Variants in NUP214 observed in about 807,000 individuals in gnomAD.
NUP214 encodes nucleoporin 214, also known as nuclear pore complex protein Nup214.
In NUP214, 79 loss-of-function variants were observed where a neutral mutation model predicts 196.2. The observed-to-expected ratio is 0.40, with a 90% confidence interval of 0.34 to 0.49. NUP214 has a LOEUF of 0.49. Ranked by LOEUF, NUP214 falls within the 20% of genes least tolerant of loss-of-function variation. NUP214 has a pLI of 0.58. For missense variants in NUP214, 2,468 were observed against 2,539.0 expected, an observed-to-expected ratio of 0.97 and a Z score of 0.60; for synonymous variants, 1,020 against 990.5, an observed-to-expected ratio of 1.03 and a Z score of -0.56.
Position 131,215,383 on chromosome 9 carries a change from C to T in NUP214, c.5749+15C>T, listed in dbSNP as rs751239299. On this transcript the variant is annotated intron_variant, in intron 31 of 35. Coordinates refer to ENST00000359428, the MANE Select transcript of NUP214 (RefSeq NM_005085.4). Reference sequence around the variant, plus strand: ...AGCTACCTCAAGTAAGTTGAGAAGACTTTTCCCAGTCCCTTGGTCCCCTAA... The same window carrying T: ...AGCTACCTCAAGTAAGTTGAGAAGATTTTTCCCAGTCCCTTGGTCCCCTAA... 6.4e-7 allele frequency: 1 copy of T among 1,570,540 alleles called. No individual in the cohort carries two copies. Among genetic ancestry groups the T allele is most frequent in the Admixed American group, 1.9e-5 (1 of 53,648 alleles).
Position 131,144,556 on chromosome 9 carries a change from C to G in NUP214, c.1571C>G (p.Pro524Arg). The G allele has an allele frequency of 6.2e-7, 1 of 1,614,090 alleles. No homozygotes were observed. Among genetic ancestry groups the G allele is most frequent in the South Asian group, 1.1e-5 (1 of 91,078 alleles). ...GPGPSTFSFV[P>R]PSKASLAPTP... ...GGCCCATCAACCTTCTCTTTTGTTC[C>G]CCCTTCTAAAGCCTCCCTAGCCCCC... Residue 524 changes from proline (P) to arginine (R), a missense_variant, in exon 12 of 36, where the codon CCC becomes CGC. Around this residue, in one of 5 missense-constraint regions of NUP214, gnomAD observed 1,801 missense variants for 1,779.4 expected, o/e 1.01. Transcript: ENST00000359428.
chr9:131,141,975 G>A (rs969111534), intron 11 of NUP214, among the ~76,000 whole-genome samples: 2 of 152,098 alleles, frequency 1.3e-5, no homozygotes, highest in African/African-American at 4.8e-5. Context: ...TTCTCTTCCT[G>A]CATCCCAGTG....
chr9:131,159,100 G>A (rs1383373816), intron 17 of NUP214: 1 of 360,626 alleles, frequency 2.8e-6, no homozygotes. Flanking sequence ...CATTATTAGA[G>A]ACAGAGTCTT....
chr9:131,217,556 C>T (rs1288209173), intron 31 of NUP214, among the ~76,000 whole-genome samples: 1 of 152,156 alleles, frequency 6.6e-6, no homozygotes, highest in Non-Finnish European at 1.5e-5. Context: ...CTTCATTTTC[C>T]ATTGAGGAAA....
intron 21 of NUP214, among the ~76,000 whole-genome samples, chr9:131,169,852 TC>T (rs1832904509): frequency 1.3e-5 from 2 of 152,252 alleles, no homozygotes; most frequent in Non-Finnish European, 2.9e-5. Flanking sequence ...GTTGTAGTTT[TC>T]TGACTCCTGC....
chr9:131,198,232 G>C lies in NUP214; in HGVS notation c.4738G>C (p.Glu1580Gln). 1 of 1,614,202 alleles carries C rather than the reference G, an allele frequency of 6.2e-7. No individual in the cohort carries two copies. The highest frequency in any genetic ancestry group is 8.5e-7 in the Non-Finnish European group (1 of 1,180,040). Residue 1580 changes from glutamate (E) to glutamine (Q), a missense_variant, in exon 29 of 36, where the codon GAG becomes CAG. Physicochemically the swap from Glu to Gln is conservative, Grantham distance 29. Coordinates refer to ENST00000359428, the MANE Select transcript of NUP214 (RefSeq NM_005085.4). Reference protein sequence around the residue: ...ATTGVPDARTEAVPPASSFSV... With the variant: ...ATTGVPDARTQAVPPASSFSV... The stretch of plus-strand genomic sequence containing the variant: ...CACGGGGGTCCCTGATGCCAGGACG[G>C]AGGCAGTACCACCTGCTTCCTCCTT...
At position 131,198,016 on chromosome 9, in the gene NUP214, A is replaced by G. The variant is rs967108471; in HGVS notation, c.4522A>G (p.Ser1508Gly). 5 of 1,614,240 alleles carry G rather than the reference A, an allele frequency of 3.1e-6. No individual in the cohort carries two copies. Among genetic ancestry groups the G allele is most frequent in the Non-Finnish European group, 4.2e-6 (5 of 1,180,038 alleles). ...AGCTTTGCCTGAGAAGCCAGGTGAC[A>G]GTGAGGTCTCAGCATCAGCAGCCTC... is the stretch of plus-strand genomic sequence containing the variant. ...SSALPEKPGD[S>G]EVSASAASLL... The change falls in exon 29 of 36, where the codon AGT becomes GGT. Residue 1508 changes from serine to glycine, a missense_variant. By Grantham distance (56) the Ser-to-Gly change is moderately conservative (BLOSUM62 0). Around this residue, in one of 5 missense-constraint regions of NUP214, gnomAD observed 1,801 missense variants for 1,779.4 expected, o/e 1.01. Transcript: ENST00000359428.
chr9:131,193,099 A>G (rs532876772), intron 27 of NUP214, among the ~76,000 whole-genome samples: 269 of 152,162 alleles, frequency 1.8e-3, no homozygotes, highest in Non-Finnish European at 2.9e-3. Context: ...TAATAATAAT[A>G]ATGATGGCTG....
Position 131,174,196 on chromosome 9 carries a change from C to A in NUP214, c.3035C>A (p.Ala1012Asp), listed in dbSNP as rs1202484004. Reference protein sequence around the residue: ...SCKDDEAVVQAPRHAPVVRTP... With the variant: ...SCKDDEAVVQDPRHAPVVRTP... The stretch of plus-strand genomic sequence containing the variant: ...AAAGATGACGAGGCAGTGGTTCAGG[C>A]CCCTCGGCACGCCCCCGTGGTTCGC... Residue 1012 changes from alanine to aspartate, a missense_variant, in exon 22 of 36, where the codon GCC (alanine) becomes GAC (aspartate). By Grantham distance (126) the Ala-to-Asp change is moderately radical (BLOSUM62 -2). Transcript: ENST00000359428. The A allele has an allele frequency of 1.2e-6, 2 of 1,613,956 alleles. No homozygotes were observed. The highest frequency in any genetic ancestry group is 1.7e-4 in the Middle Eastern group (1 of 6,060).
intron 24 of NUP214, among the ~76,000 whole-genome samples, chr9:131,184,538 G>C (rs1833396079): frequency 6.6e-6 from 1 of 151,916 alleles, no homozygotes; most frequent in Non-Finnish European, 1.5e-5. Flanking sequence ...GTTTCACCAT[G>C]TTGGCCAGGC....
intron 30 of NUP214, among the ~76,000 whole-genome samples, chr9:131,207,223 C>G (rs1834112074): frequency 6.6e-6 from 1 of 152,178 alleles, no homozygotes; most frequent in Admixed American, 6.5e-5. Flanking sequence ...TAACAAATTG[C>G]CTCAAAACCT....
rs748693873 is a variant in NUP214 at position 131,146,298 on chromosome 9, C to A, written c.1939C>A (p.Pro647Thr). Residue 647 changes from proline to threonine, a missense_variant, in exon 13 of 36, where the codon CCA becomes ACA. Transcript: ENST00000359428. This position sits in a 1 kb window ranked among gnomAD's most constrained non-coding sequence, Gnocchi z 4.6. ...VPLKSSVLPS[P>T]SGRSAQGSSS... is the part of the protein sequence containing the mutation. ...ATTGAAGTCCTCAGTCTTGCCCTCA[C>A]CATCAGGTATGATTTTAAGCAGACA... is the stretch of plus-strand genomic sequence containing the variant. 2 of 1,614,082 alleles carry A rather than the reference C, an allele frequency of 1.2e-6. No homozygotes were observed. The highest frequency in any genetic ancestry group is 2.2e-5 in the South Asian group (2 of 91,076).
rs548670127 is a variant in NUP214, at chr9:131,218,962, G to A, written c.5749+3594G>A. Reference sequence around the variant, plus strand: ...CTTCTGAGCCTGTCCTTCTTTAAAAGATGAATGCAAGGCTGTTTCTGTGTG... The same window carrying A: ...CTTCTGAGCCTGTCCTTCTTTAAAAAATGAATGCAAGGCTGTTTCTGTGTG... On this transcript the variant is annotated intron_variant, in intron 31 of 35. Transcript: ENST00000359428. 9.9e-5 allele frequency among the ~76,000 whole-genome samples: 15 copies of A among 152,148 alleles called. No homozygotes were observed. The East Asian group carries it at 2.7e-3, about 27-fold the overall frequency.
intron 17 of NUP214, among the ~76,000 whole-genome samples, chr9:131,152,282 T>A (rs1832295006): frequency 6.6e-6 from 1 of 152,038 alleles, no homozygotes; most frequent in African/African-American, 2.4e-5. Flanking sequence ...CTTGGCTAAT[T>A]TTTAATATTT....
chr9:131,208,319 A>G (rs1276766153), intron 30 of NUP214, among the ~76,000 whole-genome samples: 1 of 152,266 alleles, frequency 6.6e-6, no homozygotes, highest in Non-Finnish European at 1.5e-5. Flanking sequence ...AAAGGTGGAA[A>G]CAACCCAAGT....
chr9:131,160,046 G>T (rs536679149), intron 18 of NUP214, among the ~76,000 whole-genome samples: 1 of 151,992 alleles, frequency 6.6e-6, no homozygotes, highest in African/African-American at 2.4e-5. Flanking sequence ...AAAGGTACAG[G>T]AGTGGCTAAA....
chr9:131,197,396 C>T lies in NUP214; in HGVS notation c.3902C>T (p.Thr1301Ile). The T allele has an allele frequency of 6.2e-7, 1 of 1,614,208 alleles. No homozygotes were observed. ...SSSRPVAPSG[T>I]ALSTTSSKLE... ...AGCAGACCTGTGGCACCTTCTGGAACTGCTCTTTCCACCACCTCTAGTAAG... is the reference window on the plus strand; with the variant it reads ...AGCAGACCTGTGGCACCTTCTGGAATTGCTCTTTCCACCACCTCTAGTAAG... The change falls in exon 29 of 36, where the codon ACT (threonine) becomes ATT (isoleucine). Residue 1301 changes from threonine to isoleucine, a missense_variant. By Grantham distance (89) the Thr-to-Ile change is moderately conservative (BLOSUM62 -1). Transcript: ENST00000359428.
chr9:131,160,293 AT>A (rs1832590468), intron 18 of NUP214, among the ~76,000 whole-genome samples: 2 of 152,238 alleles, frequency 1.3e-5, no homozygotes, highest in Non-Finnish European at 2.9e-5. Context: ...GTAACAAAAT[AT>A]TCGTAGTTAT....
At chr9:131,143,932 A>T (rs1174106908) in intron 11 of NUP214, among the ~76,000 whole-genome samples, 1 of 151,984 alleles carries the variant, frequency 6.6e-6, no homozygotes, top group East Asian at 1.9e-4. Context: ...ATGTGTATTT[A>T]TCTGGAATTA....
Sources: gnomAD v4.1 joint callset for allele counts (sites outside exome capture counted in the v4.1 genomes callset) on GRCh38, gnomAD v4.1.1 for gene constraint, gnomAD v4.1.1 regional missense constraint, Gnocchi (gnomAD v3.1) non-coding constraint, MANE v1.5 for transcripts, NCBI Gene and HGNC (gene_info 2026-07-23, HGNC 2026-07-21) for gene names.